Variants in PHACTR3 observed in about 807,000 individuals in gnomAD.
PHACTR3 encodes phosphatase and actin regulator 3.
PHACTR3 carries 16 observed loss-of-function variants against 66.8 expected under a neutral mutation model. The ratio of observed to expected loss-of-function variants is 0.24; its 90% confidence interval spans 0.16 to 0.36. PHACTR3 has a LOEUF of 0.36. Among genes scored for constraint, PHACTR3 ranks in the 10% least tolerant of loss-of-function variants. PHACTR3 has a pLI of 1.00. For synonymous variants in PHACTR3, 323 were observed against 292.1 expected, an observed-to-expected ratio of 1.11 and a Z score of -1.08; for missense variants, 647 against 719.9, an observed-to-expected ratio of 0.90 and a Z score of 1.16.
At chr20:59,746,295 C>G (rs965666204) in intron 2 of PHACTR3, among the ~76,000 whole-genome samples, 1 of 152,332 alleles carries the variant, frequency 6.6e-6, no homozygotes, top group South Asian at 2.1e-4. Context: ...GTCAGTCCCC[C>G]GCCCCAGGCC....
At chr20:59,772,377 A>G (rs542154906) in intron 5 of PHACTR3, among the ~76,000 whole-genome samples, 15 of 152,308 alleles carry the variant, frequency 9.8e-5, no homozygotes, top group Admixed American at 2.6e-4. Context: ...GTAGGAAGGA[A>G]GGTGGACACA....
chr20:59,618,086 A>G (rs1568937177), intron 1 of PHACTR3, among the ~76,000 whole-genome samples: 1 of 152,206 alleles, frequency 6.6e-6, no homozygotes, highest in Non-Finnish European at 1.5e-5. Context: ...TAGAGCCAAA[A>G]GGTGGCTTCG....
chr20:59,845,883 A>G (rs1365603186), intron 12 of PHACTR3, among the ~76,000 whole-genome samples: 3 of 152,178 alleles, frequency 2.0e-5, no homozygotes, highest in Non-Finnish European at 2.9e-5. Context: ...TTCTCTGTCT[A>G]TGCTATGATA....
Position 59,604,812 on chromosome 20 carries a change from G to A in PHACTR3, c.-203G>A, listed in dbSNP as rs1303491235. The A allele has an allele frequency of 8.3e-7, 1 of 1,211,626 alleles. No individual in the cohort carries two copies. Among genetic ancestry groups the A allele is most frequent in the Non-Finnish European group, 1.0e-6 (1 of 976,646 alleles). The allele number at this position is 1,211,626 out of a possible 1,614,324, so 75.1% of individuals were successfully genotyped here. ...GGATGCGCCTGGCTGCAGCCGGCGA[G>A]GCTATTGTCTCCCCGCCCTGAAGCC... is the stretch of plus-strand genomic sequence containing the variant. On this transcript the variant is annotated 5_prime_UTR_variant, in exon 1 of 13. Coordinates refer to ENST00000371015, the MANE Select transcript of PHACTR3 (RefSeq NM_080672.5).
chr20:59,717,826 T>C (rs1164245245), intron 1 of PHACTR3, among the ~76,000 whole-genome samples: 1 of 152,190 alleles, frequency 6.6e-6, no homozygotes, highest in Admixed American at 6.5e-5. Context: ...TCTGCAAAAA[T>C]TCAAGGCACT....
intron 7 of PHACTR3, among the ~76,000 whole-genome samples, chr20:59,780,348 G>T (rs779204576): frequency 6.6e-6 from 1 of 152,128 alleles, no homozygotes; most frequent in Non-Finnish European, 1.5e-5. Flanking sequence ...CCCTAGACTG[G>T]GTGTCTTATA....
chr20:59,768,605 A>G (rs758013789), intron 5 of PHACTR3, among the ~76,000 whole-genome samples: 1 of 152,276 alleles, frequency 6.6e-6, no homozygotes. Flanking sequence ...AGTTTTCATG[A>G]AAGAGGGAAC....
chr20:59,762,395 G>A (rs982234306), intron 4 of PHACTR3, among the ~76,000 whole-genome samples: 7 of 152,244 alleles, frequency 4.6e-5, no homozygotes, highest in African/African-American at 1.2e-4. Flanking sequence ...GTCCAGTGCA[G>A]TAGCCACTAG....
At position 59,755,309 on chromosome 20, in the gene PHACTR3, G is replaced by T. The variant is rs140524778; in HGVS notation, c.486G>T (p.Thr162=). 8.1e-6 allele frequency: 13 copies of T among 1,612,926 alleles called. No individual in the cohort carries two copies. The highest frequency in any genetic ancestry group is 7.6e-6 in the Non-Finnish European group (9 of 1,179,952). Residue 162 remains threonine (T), a synonymous_variant, in exon 4 of 13, where the codon ACG becomes ACT. Coordinates refer to ENST00000371015, the MANE Select transcript of PHACTR3 (RefSeq NM_080672.5). ...AQPGSPLATG[T]DQVSLDKPLS... Reference sequence around the variant, plus strand: ...CCGGAAGCCCCTTGGCCACTGGGACGGACCAGGTCTCCCTGGACAAGCCAC... The same window carrying T: ...CCGGAAGCCCCTTGGCCACTGGGACTGACCAGGTCTCCCTGGACAAGCCAC...
intron 7 of PHACTR3, among the ~76,000 whole-genome samples, chr20:59,788,742 A>G (rs936202511): frequency 6.6e-6 from 1 of 152,178 alleles, no homozygotes; most frequent in Non-Finnish European, 1.5e-5. Context: ...AGCAGAGCCA[A>G]AGCTAACCTT....
intron 7 of PHACTR3, among the ~76,000 whole-genome samples, chr20:59,803,170 C>T (rs1445078966): frequency 6.6e-6 from 1 of 152,174 alleles, no homozygotes; most frequent in African/African-American, 2.4e-5. Flanking sequence ...TGCAGACTGT[C>T]ACATGTCAAG....
chr20:59,813,859 C>T (rs1274782826), intron 8 of PHACTR3, among the ~76,000 whole-genome samples: 1 of 152,318 alleles, frequency 6.6e-6, no homozygotes, highest in Middle Eastern at 3.4e-3. Flanking sequence ...GGGCTCAGCT[C>T]AGATGTCACC....
upstream of PHACTR3, chr20:59,604,075 C>A (rs1326352878): frequency 6.5e-6 from 1 of 152,948 alleles, no homozygotes; most frequent in Non-Finnish European, 1.4e-5. Context: ...CGCCCCCCGG[C>A]AGGGAGGAGG....
chr20:59,644,966 T>C (rs1472638810), intron 1 of PHACTR3, among the ~76,000 whole-genome samples: 1 of 152,116 alleles, frequency 6.6e-6, no homozygotes, highest in Admixed American at 6.5e-5. Flanking sequence ...GTCACCCAGA[T>C]AGTAAACATA....
In PHACTR3 at chr20:59,604,739, G is replaced by T. The variant is rs2033596225; in HGVS notation, c.-276G>T. On this transcript the variant is annotated 5_prime_UTR_variant, in exon 1 of 13. Coordinates refer to ENST00000371015, the MANE Select transcript of PHACTR3 (RefSeq NM_080672.5). ...TTTTTTCCCTGGAATATAGACTGAA[G>T]AATGGGAATAAACACGAATAAATAA... The T allele has an allele frequency of 1.5e-5, 16 of 1,101,672 alleles. No individual in the cohort carries two copies. The highest frequency in any genetic ancestry group is 4.5e-5 in the South Asian group (1 of 22,326). 68.2% of individuals were successfully genotyped at this position (1,101,672 alleles called of 1,614,324 possible).
At chr20:59,674,565 CCCG>C (rs2036334532) in intron 1 of PHACTR3, among the ~76,000 whole-genome samples, 3 of 59,724 alleles carry the variant, frequency 5.0e-5, no homozygotes, top group Admixed American at 1.7e-4. Context: ...TCTCCTATTC[CCCG>C]CTTCTCCTGT....
intron 1 of PHACTR3, among the ~76,000 whole-genome samples, chr20:59,620,876 A>G (rs1416976659): frequency 6.6e-6 from 1 of 152,074 alleles, no homozygotes; most frequent in African/African-American, 2.4e-5. Flanking sequence ...AGTGAGTTCC[A>G]TTACTCACTA....
chr20:59,785,944 C>T (rs967310808), intron 7 of PHACTR3, among the ~76,000 whole-genome samples: 1 of 152,198 alleles, frequency 6.6e-6, no homozygotes, highest in Non-Finnish European at 1.5e-5. Flanking sequence ...CTCTGCCTCC[C>T]CTGCATCCCC....
In PHACTR3 at chr20:59,845,213, G is replaced by T; in HGVS notation, c.1612G>T (p.Glu538Ter). The T allele has an allele frequency of 6.2e-7, 1 of 1,607,134 alleles. No homozygotes were observed. Among genetic ancestry groups the T allele is most frequent in the South Asian group, 1.1e-5 (1 of 90,570 alleles). ...DKAAIRKELN[E>*]YKSNEMEVHA... Reference sequence around the variant, plus strand: ...GGCAGCAATTCGTAAAGAATTAAATGAGTACAAAAGTAATGAAATGGAGGT... The same window carrying T: ...GGCAGCAATTCGTAAAGAATTAAATTAGTACAAAAGTAATGAAATGGAGGT... The change falls in exon 12 of 13, where the codon GAG becomes TAG. Residue 538 changes from glutamate (E) to a stop codon, truncating the protein, a stop_gained. Coordinates refer to ENST00000371015, the MANE Select transcript of PHACTR3 (RefSeq NM_080672.5). LOFTEE classifies it high-confidence loss of function.
Sources: gnomAD v4.1 joint callset for allele counts (sites outside exome capture counted in the v4.1 genomes callset) on GRCh38, gnomAD v4.1.1 for gene constraint, MANE v1.5 for transcripts, NCBI Gene and HGNC (gene_info 2026-07-23, HGNC 2026-07-21) for gene names.